KAZN: variants seen among roughly 807,000 people sequenced by gnomAD.
The protein encoded by KAZN is kazrin, periplakin interacting protein.
Under a neutral mutation model 87.4 loss-of-function variants are expected in KAZN, and 40 were observed. The observed-to-expected ratio is 0.46, with a 90% CI of 0.36 to 0.60. The LOEUF is 0.60. KAZN is among the 20% of genes least tolerant of loss of function. The pLI, the probability that KAZN is intolerant of heterozygous loss-of-function variation, is 0.00. For missense variants in KAZN, 898 were observed against 1,073.9 expected, an observed-to-expected ratio of 0.84 and a Z score of 2.29; for synonymous variants, 466 against 458.3, an observed-to-expected ratio of 1.02 and a Z score of -0.22.
At chr1:14,381,160 G>T (rs913360891) in intron 2 of KAZN, among the ~76,000 whole-genome samples, 2 of 152,100 alleles carry the variant, frequency 1.3e-5, no homozygotes, top group African/African-American at 4.8e-5. Context: ...AAGAGTCAAA[G>T]AAGCTGACTA....
At chr1:15,113,343 A>T (rs1232739827) in intron 14 of KAZN, 1 of 152,162 alleles carries the variant, frequency 6.6e-6, no homozygotes, top group Non-Finnish European at 1.5e-5. Flanking sequence ...TACATATGGT[A>T]CGGAAGCAGA....
chr1:14,986,559 G>A (rs1474341588), intron 2 of KAZN, among the ~76,000 whole-genome samples: 1 of 152,190 alleles, frequency 6.6e-6, no homozygotes, highest in African/African-American at 2.4e-5. Context: ...GTGCCAGCCT[G>A]AGCCAGGGCT....
intron 1 of KAZN, among the ~76,000 whole-genome samples, chr1:14,059,081 A>T (rs1642688618): frequency 6.6e-6 from 1 of 152,332 alleles, no homozygotes; most frequent in East Asian, 1.9e-4. Context: ...ACTGTGGGTG[A>T]ATGAGAATTA....
At chr1:15,049,313 G>A (rs896493249) in intron 4 of KAZN, among the ~76,000 whole-genome samples, 8 of 152,350 alleles carry the variant, frequency 5.3e-5, no homozygotes, top group East Asian at 3.9e-4. Flanking sequence ...TGACGAGCGC[G>A]GCTTCTCCAG....
At chr1:14,993,469 C>CA (rs796085497) in intron 2 of KAZN, among the ~76,000 whole-genome samples, 1,507 of 146,036 alleles carry the variant, frequency 0.01, 33 homozygotes, top group African/African-American at 0.035. Context: ...AACTCCATCT[C>CA]AAAAAAAAAA....
At chr1:14,049,565 A>G (rs1227479065) in intron 1 of KAZN, among the ~76,000 whole-genome samples, 1 of 152,208 alleles carries the variant, frequency 6.6e-6, no homozygotes, top group Non-Finnish European at 1.5e-5. Flanking sequence ...GTCACCTATC[A>G]TCACCAGGGT....
chr1:14,627,419 G>A (rs1679224843), intron 1 of KAZN, among the ~76,000 whole-genome samples: 1 of 152,092 alleles, frequency 6.6e-6, no homozygotes, highest in Non-Finnish European at 1.5e-5. Flanking sequence ...GCAGAGGAGT[G>A]AGCCCTTGCA....
chr1:14,088,029 T>C (rs2101610225), intron 1 of KAZN, among the ~76,000 whole-genome samples: 1 of 151,212 alleles, frequency 6.6e-6, no homozygotes, highest in South Asian at 2.1e-4. Context: ...GATGGTATTA[T>C]TTCATCTTTA....
At chr1:14,879,717 C>T (rs545283737) in intron 1 of KAZN, among the ~76,000 whole-genome samples, 3 of 152,118 alleles carry the variant, frequency 2.0e-5, no homozygotes, top group Non-Finnish European at 2.9e-5. Context: ...ATGAAGGCTT[C>T]GAATACAATT....
intron 2 of KAZN, among the ~76,000 whole-genome samples, chr1:14,349,583 A>T (rs567220325): frequency 1.1e-4 from 17 of 152,266 alleles, no homozygotes; most frequent in African/African-American, 4.1e-4. Context: ...ATCCATTGCC[A>T]TTTATCATCT....
chr1:14,921,650 A>G (rs1482197128), intron 1 of KAZN, among the ~76,000 whole-genome samples: 1 of 152,204 alleles, frequency 6.6e-6, no homozygotes, highest in East Asian at 1.9e-4. Context: ...AATCCAAGTG[A>G]CAGGAGCTAC....
At chr1:14,168,821 C>T (rs1192356530) in intron 1 of KAZN, among the ~76,000 whole-genome samples, 1 of 152,036 alleles carries the variant, frequency 6.6e-6, no homozygotes, top group Non-Finnish European at 1.5e-5. Flanking sequence ...AGGACAGAGC[C>T]AGTAGTACCT....
chr1:14,416,147 A>G (rs1664739793), intron 2 of KAZN, among the ~76,000 whole-genome samples: 1 of 152,228 alleles, frequency 6.6e-6, no homozygotes, highest in Non-Finnish European at 1.5e-5. Context: ...CTGGGGCTGT[A>G]GTAGCATTTG....
At chr1:14,826,512 G>T (rs935854685) in intron 1 of KAZN, among the ~76,000 whole-genome samples, 1 of 152,192 alleles carries the variant, frequency 6.6e-6, no homozygotes, top group African/African-American at 2.4e-5. Context: ...GAGCGGCCTT[G>T]CTGCTCCTGG....
chr1:14,366,953 C>T (rs910804670), intron 2 of KAZN, among the ~76,000 whole-genome samples: 2 of 152,180 alleles, frequency 1.3e-5, no homozygotes, highest in Admixed American at 6.5e-5. Context: ...AATGGCTAGC[C>T]GGGCACAGTG....
At position 14,777,166 on chromosome 1, in the gene KAZN, T is replaced by TG. The variant is rs200262453; in HGVS notation, c.226+177943_226+177944insG. On this transcript the variant is annotated intron_variant, in intron 1 of 14. Coordinates refer to ENST00000376030, the MANE Select transcript of KAZN (RefSeq NM_201628.3). ...CCACACCCAGCTAATTTTTTTTTTT[T>TG]TTTGTATTTTTAGTAGAGACGGGGT... Among the ~76,000 whole-genome samples the TG allele has an allele frequency of 4.5e-3, 679 of 149,584 alleles. 7 individuals carry two copies. Among genetic ancestry groups the TG allele is most frequent in the African/African-American group, 0.011 (431 of 40,334 alleles).
chr1:14,556,257 C>A (rs968805629), intron 2 of KAZN, among the ~76,000 whole-genome samples: 1 of 151,884 alleles, frequency 6.6e-6, no homozygotes, highest in African/African-American at 2.4e-5. Flanking sequence ...CTACAGGTAC[C>A]CACCACCACA....
chr1:14,120,589 T>C (rs1394505254), intron 1 of KAZN, among the ~76,000 whole-genome samples: 1 of 152,162 alleles, frequency 6.6e-6, no homozygotes, highest in Non-Finnish European at 1.5e-5. Flanking sequence ...GGCCCAGAGG[T>C]ACCTGGTCCA....
At position 15,099,450 on chromosome 1, in the gene KAZN, C is replaced by T. The variant is rs41269417; in HGVS notation, c.1548-2093C>T. On this transcript the variant is annotated intron_variant, in intron 10 of 14. Coordinates refer to ENST00000376030, the MANE Select transcript of KAZN (RefSeq NM_201628.3). This position sits in a 1 kb window ranked among gnomAD's most constrained non-coding sequence, Gnocchi z 5.4. ...CAGTAAGCAGACTTGGGGGCAACTTCAGACAGCAAATTCAGAGAAAAGGGA... is the reference window on the plus strand; with the variant it reads ...CAGTAAGCAGACTTGGGGGCAACTTTAGACAGCAAATTCAGAGAAAAGGGA... Among the ~76,000 whole-genome samples the T allele has an allele frequency of 0.043, 6,540 of 152,188 alleles. 162 individuals are homozygous for T. Among genetic ancestry groups the T allele is most frequent in the African/African-American group, 0.054 (2,224 of 41,522 alleles).
Sources: allele counts gnomAD v4.1 joint callset (sites outside exome capture counted in the v4.1 genomes callset), GRCh38; gene constraint gnomAD v4.1.1; non-coding constraint Gnocchi (gnomAD v3.1); transcripts MANE v1.5; gene names NCBI Gene and HGNC (gene_info 2026-07-23, HGNC 2026-07-21).